CTNNA3: variants seen among roughly 807,000 people sequenced by gnomAD.
CTNNA3 encodes the protein catenin alpha-3.
CTNNA3 carries 76 observed loss-of-function variants against 95.7 expected under a neutral mutation model. The observed-to-expected ratio is 0.79, with a 90% confidence interval of 0.66 to 0.96. The LOEUF (loss-of-function observed/expected upper bound fraction) is 0.96, where lower values mean the gene tolerates loss of function less well. Among genes scored for constraint, CTNNA3 ranks in the 40% least tolerant of loss-of-function variants. The pLI, the probability that CTNNA3 is intolerant of heterozygous loss-of-function variation, is 0.00. For missense variants in CTNNA3, 1,191 were observed against 1,089.8 expected (o/e 1.09, Z -1.31); for synonymous variants, 431 against 374.4 (o/e 1.15, Z -1.74).
intron 13 of CTNNA3, among the ~76,000 whole-genome samples, chr10:66,186,354 A>G (rs1415167857): frequency 1.3e-5 from 2 of 151,780 alleles, no homozygotes; most frequent in Non-Finnish European, 2.9e-5. Context: ...TACAATTTTA[A>G]AGTAAAAATT....
At chr10:67,394,546 G>GCACAATACT (rs1844646982) in intron 5 of CTNNA3, among the ~76,000 whole-genome samples, 1 of 151,998 alleles carries the variant, frequency 6.6e-6, no homozygotes, top group East Asian at 1.9e-4. Flanking sequence ...CAACATTTCT[G>GCACAATACT]CACAATACTG....
intron 5 of CTNNA3, among the ~76,000 whole-genome samples, chr10:67,280,365 A>G (rs1461239195): frequency 1.4e-5 from 2 of 142,684 alleles, no homozygotes; most frequent in Admixed American, 1.4e-4. Context: ...AACCATTTAC[A>G]AGCTAATTTC....
chr10:66,989,316 A>G (rs989436412), intron 7 of CTNNA3, among the ~76,000 whole-genome samples: 1 of 152,200 alleles, frequency 6.6e-6, no homozygotes, highest in African/African-American at 2.4e-5. Context: ...ATATATGTCA[A>G]CTTATTCCCT....
At chr10:66,986,458 C>T (rs993201634) in intron 7 of CTNNA3, among the ~76,000 whole-genome samples, 2 of 152,068 alleles carry the variant, frequency 1.3e-5, no homozygotes, top group Non-Finnish European at 2.9e-5. Flanking sequence ...GATTTCACCA[C>T]TGCACTCCAG....
At chr10:67,720,611 T>C (rs929881812) in intron 1 of CTNNA3, among the ~76,000 whole-genome samples, 1 of 152,170 alleles carries the variant, frequency 6.6e-6, no homozygotes, top group African/African-American at 2.4e-5. Context: ...CCTTCGCTTA[T>C]GAAGCTTAGG....
intron 5 of CTNNA3, among the ~76,000 whole-genome samples, chr10:67,405,098 C>A (rs943921111): frequency 2.4e-4 from 36 of 152,080 alleles, no homozygotes; most frequent in Admixed American, 2.4e-3. Context: ...CCAGCCTCTA[C>A]AAAAATACAC....
intron 1 of CTNNA3, among the ~76,000 whole-genome samples, chr10:67,685,006 CCT>C (rs1237850474): frequency 4.6e-5 from 7 of 152,168 alleles, no homozygotes; most frequent in Non-Finnish European, 1.0e-4. Context: ...GGTGCAAAGT[CCT>C]CCTTTCTCAG....
chr10:66,703,314 T>C (rs538716685), intron 9 of CTNNA3, among the ~76,000 whole-genome samples: 7 of 152,302 alleles, frequency 4.6e-5, no homozygotes, highest in African/African-American at 1.7e-4. Flanking sequence ...CACACCTCTC[T>C]TCACTGGTGC....
intron 9 of CTNNA3, among the ~76,000 whole-genome samples, chr10:66,633,001 G>A (rs7087723): frequency 0.28 from 42,311 of 151,900 alleles, 6,428 homozygotes; most frequent in Middle Eastern, 0.47. Flanking sequence ...CACGGTTTTT[G>A]CTCATCAGAT....
At chr10:66,697,527 AACT>A (rs1156969460) in intron 9 of CTNNA3, among the ~76,000 whole-genome samples, 4 of 152,182 alleles carry the variant, frequency 2.6e-5, no homozygotes, top group Middle Eastern at 3.4e-3. Context: ...ATCACTGAAA[AACT>A]ACATCATAAA....
intron 7 of CTNNA3, among the ~76,000 whole-genome samples, chr10:66,833,884 AT>A (rs1327237287): frequency 6.6e-6 from 1 of 152,090 alleles, no homozygotes. Context: ...CCAGCTTGCT[AT>A]TTTTCTATTT....
intron 11 of CTNNA3, among the ~76,000 whole-genome samples, chr10:66,505,706 G>C (rs1840426461): frequency 6.6e-6 from 1 of 152,030 alleles, no homozygotes; most frequent in Non-Finnish European, 1.5e-5. Context: ...TTTGGAGATA[G>C]AATGGAGAAA....
chr10:67,186,381 C>G (rs1029429859), intron 6 of CTNNA3, among the ~76,000 whole-genome samples: 2 of 152,180 alleles, frequency 1.3e-5, no homozygotes, highest in African/African-American at 2.4e-5. Context: ...CTCAAACTAT[C>G]TCAGCATTTG....
chr10:67,559,965 CT>C (rs1427629743), intron 3 of CTNNA3, among the ~76,000 whole-genome samples: 1 of 152,098 alleles, frequency 6.6e-6, no homozygotes, highest in African/African-American at 2.4e-5. Context: ...TGAACGAAGC[CT>C]CCAAGAAATA....
intron 11 of CTNNA3, among the ~76,000 whole-genome samples, chr10:66,434,309 T>C (rs557360712): frequency 7.9e-5 from 12 of 152,046 alleles, no homozygotes; most frequent in African/African-American, 2.4e-4. Context: ...TTGTGTTGTC[T>C]CTGATTTCCT....
At chr10:66,651,797 A>ACTGGCCC (rs1190690356) in intron 9 of CTNNA3, among the ~76,000 whole-genome samples, 566 of 30,374 alleles carry the variant, frequency 0.019, 3 homozygotes, top group African/African-American at 0.098. Context: ...CAGAACCCGC[A>ACTGGCCC]TTGGCCGGTT....
chr10:67,658,710 C>T (rs1390420207), intron 1 of CTNNA3, among the ~76,000 whole-genome samples: 1 of 152,118 alleles, frequency 6.6e-6, no homozygotes, highest in African/African-American at 2.4e-5. Flanking sequence ...AAGGTATGCC[C>T]CAGGGTTAGG....
intron 9 of CTNNA3, among the ~76,000 whole-genome samples, chr10:66,672,885 G>A (rs930086205): frequency 6.6e-6 from 1 of 152,018 alleles, no homozygotes; most frequent in African/African-American, 2.4e-5. Flanking sequence ...CTTTCATGCA[G>A]TCTATATTCT....
chr10:66,038,398 A>G (rs555922038), intron 15 of CTNNA3, among the ~76,000 whole-genome samples: 2 of 152,254 alleles, frequency 1.3e-5, no homozygotes, highest in Non-Finnish European at 2.9e-5. Flanking sequence ...GGAAGACAGT[A>G]GCTTCGTGGC....
Sources: gnomAD v4.1 joint callset for allele counts (sites outside exome capture counted in the v4.1 genomes callset) on GRCh38, gnomAD v4.1.1 for gene constraint, MANE v1.5 for transcripts, NCBI Gene and HGNC (gene_info 2026-07-23, HGNC 2026-07-21) for gene names.